The following FBXO38 variants were observed in gnomAD, a reference collection of about 807,000 sequenced individuals.
FBXO38 encodes the protein F-box protein 38.
In FBXO38, 53 loss-of-function variants were observed where a neutral mutation model predicts 131.9. The observed-to-expected ratio is 0.40, with a 90% confidence interval of 0.32 to 0.51. The LOEUF (loss-of-function observed/expected upper bound fraction) is 0.51. FBXO38 is among the 20% of genes least tolerant of loss of function. FBXO38 has a pLI of 0.53. For synonymous variants in FBXO38, 452 were observed against 505.6 expected, an observed-to-expected ratio of 0.89 and a Z score of 1.42; for missense variants, 1,076 against 1,475.6, an observed-to-expected ratio of 0.73 and a Z score of 4.44.
chr5:148,407,742 G>A (rs972817952), intron 7 of FBXO38, among the ~76,000 whole-genome samples: 1 of 152,018 alleles, frequency 6.6e-6, no homozygotes, highest in Admixed American at 6.6e-5. Flanking sequence ...GGCTAACGTG[G>A]TGAAACCCCG....
At chr5:148,404,644 G>A in intron 5 of FBXO38, 41 bp from the exon 6 acceptor site, 1 of 1,501,186 alleles carries the variant, frequency 6.7e-7, no homozygotes, top group Non-Finnish European at 8.9e-7. Flanking sequence ...ATATTTTTGT[G>A]ATTTTTTTCT....
At chr5:148,416,105 G>A in intron 11 of FBXO38, 35 bp downstream of exon 11, 2 of 1,469,812 alleles carry the variant, frequency 1.4e-6, no homozygotes, top group Non-Finnish European at 9.0e-7. Context: ...TGTTTATTTT[G>A]ATAGGAAAGA....
At chr5:148,440,276 G>A (rs1004901586) in intron 19 of FBXO38, 148 bp from the exon 20 acceptor site, 2 of 599,784 alleles carry the variant, frequency 3.3e-6, no homozygotes, top group Non-Finnish European at 3.0e-6. Context: ...TCTAGTTTGA[G>A]TGTATCCTAC....
chr5:148,405,877 T>C (rs1416813301), intron 6 of FBXO38, among the ~76,000 whole-genome samples: 1 of 152,212 alleles, frequency 6.6e-6, no homozygotes, highest in Non-Finnish European at 1.5e-5. Context: ...CAGGACCATA[T>C]CTTTTGTGAT....
Position 148,402,143 on chromosome 5 carries a change from G to A in FBXO38, c.424G>A (p.Val142Met). Residue 142 changes from valine to methionine, a missense_variant and splice_region_variant, in exon 4 of 22, where the codon GTG becomes ATG. Transcript: ENST00000340253. ...AGCTTTGCAGGCATGCCCAAACTTA[G>A]TGGTGAGTGCACCTGGTTGAACATT... ...LEALQACPNLVGVETSHLELV... is the reference protein window; with the variant it reads ...LEALQACPNLMGVETSHLELV... 6.2e-7 allele frequency: 1 copy of A among 1,608,716 alleles called. No homozygotes were observed. The highest frequency in any genetic ancestry group is 1.1e-5 in the South Asian group (1 of 90,842).
intron 8 of FBXO38, among the ~76,000 whole-genome samples, chr5:148,409,978 A>G (rs1415456442): frequency 3.3e-5 from 5 of 152,248 alleles, no homozygotes; most frequent in Non-Finnish European, 7.3e-5. Flanking sequence ...GGTTTAGTAA[A>G]GCACTTGAAA....
At chr5:148,416,879 ATAAG>A (rs1753084480) in intron 11 of FBXO38, 111 bp from the exon 12 acceptor site, 2 of 663,458 alleles carry the variant, frequency 3.0e-6, no homozygotes, top group East Asian at 2.7e-5. Flanking sequence ...CATTTCATAA[ATAAG>A]TACTATATAA....
chr5:148,438,355 C>T lies in FBXO38; in HGVS notation c.2881C>T (p.His961Tyr). ...AGCTACCAGGTGCAGGGTACTAAAA[C>T]ATTTAAAGGTAGAAAATGCACCAAT... ...IHATRCRVLK[H>Y]LKVENAPIVN... The change falls in exon 18 of 22, where the codon CAT (histidine) becomes TAT (tyrosine). Residue 961 changes from histidine to tyrosine, a missense_variant. Physicochemically the swap from His to Tyr is moderately conservative, Grantham distance 83. Coordinates refer to ENST00000340253, the MANE Select transcript of FBXO38 (RefSeq NM_205836.3). 1 of 1,613,850 alleles carries T rather than the reference C, an allele frequency of 6.2e-7. No homozygotes were observed. The highest frequency in any genetic ancestry group is 8.5e-7 in the Non-Finnish European group (1 of 1,179,836).
In FBXO38 at chr5:148,438,399, T is replaced by C. The variant is rs1346064709; in HGVS notation, c.2925T>C (p.Tyr975=). 4.3e-6 allele frequency: 7 copies of C among 1,613,940 alleles called. No individual in the cohort carries two copies. Among genetic ancestry groups the C allele is most frequent in the African/African-American group, 1.3e-5 (1 of 74,922 alleles). ...ENAPIVNRFD[Y]AQCKKLNMDQ... is the part of the protein sequence containing the mutation. ...CACCAATTGTAAACCGATTTGACTATGCACAGTGCAAGAAACTGAACATGG... is the reference window on the plus strand; with the variant it reads ...CACCAATTGTAAACCGATTTGACTACGCACAGTGCAAGAAACTGAACATGG... The change falls in exon 18 of 22, where the codon TAT becomes TAC. Residue 975 remains tyrosine, a synonymous_variant. Coordinates refer to ENST00000340253, the MANE Select transcript of FBXO38 (RefSeq NM_205836.3).
At chr5:148,410,523 G>C (rs1561526180) in intron 8 of FBXO38, 112 bp from the exon 9 acceptor site, 3 of 1,271,536 alleles carry the variant, frequency 2.4e-6, no homozygotes, top group Non-Finnish European at 3.3e-6. Context: ...CCCAGTCTCA[G>C]GTACGTCTTT....
At chr5:148,405,099 A>T (rs1044792937) in intron 6 of FBXO38, among the ~76,000 whole-genome samples, 9 of 151,048 alleles carry the variant, frequency 6.0e-5, no homozygotes, top group African/African-American at 2.2e-4. Flanking sequence ...ATTAAATTTC[A>T]GTCTTCTTAC....
chr5:148,436,275 C>CCA (rs1452253672), intron 17 of FBXO38, among the ~76,000 whole-genome samples: 1 of 151,902 alleles, frequency 6.6e-6, no homozygotes, highest in Non-Finnish European at 1.5e-5. Context: ...ATGCACACAC[C>CCA]CACACACACA....
At position 148,442,370 on chromosome 5, in the gene FBXO38, A is replaced by G. The variant is rs988806395; in HGVS notation, c.*223A>G. 4.8e-5 allele frequency: 16 copies of G among 335,096 alleles called. No individual in the cohort carries two copies. The highest frequency in any genetic ancestry group is 3.0e-4 in the African/African-American group (14 of 47,338). 20.8% of individuals were successfully genotyped at this position (335,096 alleles called of 1,614,324 possible). On this transcript the variant is annotated 3_prime_UTR_variant, in exon 22 of 22. Coordinates refer to ENST00000340253, the MANE Select transcript of FBXO38 (RefSeq NM_205836.3). ...CAACTTTATATCATATGTTTATACAATTTAATTTAAAAATTCATTTTAAGG... is the reference window on the plus strand; with the variant it reads ...CAACTTTATATCATATGTTTATACAGTTTAATTTAAAAATTCATTTTAAGG...
chr5:148,421,168 G>C (rs1581268659), intron 12 of FBXO38, among the ~76,000 whole-genome samples: 1 of 152,016 alleles, frequency 6.6e-6, no homozygotes, highest in African/African-American at 2.4e-5. Flanking sequence ...GGGTTTCACT[G>C]TGTTAGCCAG....
At chr5:148,434,248 C>T (rs1754212822) in intron 17 of FBXO38, 1 of 152,144 alleles carries the variant, frequency 6.6e-6, no homozygotes, top group African/African-American at 2.4e-5. Flanking sequence ...ACCATCTACA[C>T]TCGTGTATTA....
intron 12 of FBXO38, among the ~76,000 whole-genome samples, chr5:148,420,369 C>G (rs945590887): frequency 6.6e-6 from 1 of 152,098 alleles, no homozygotes; most frequent in African/African-American, 2.4e-5. Flanking sequence ...TTAAGTGATC[C>G]TCATGCCTCA....
At chr5:148,404,857 A>G (rs1239047409) in intron 6 of FBXO38, 35 bp downstream of exon 6, 9 of 1,554,506 alleles carry the variant, frequency 5.8e-6, no homozygotes, top group Non-Finnish European at 6.9e-6. Context: ...ATTAAACATA[A>G]GTTATTCTAA....
chr5:148,395,247 AG>A (rs1758419554), intron 2 of FBXO38, among the ~76,000 whole-genome samples: 1 of 152,170 alleles, frequency 6.6e-6, no homozygotes, highest in Non-Finnish European at 1.5e-5. Flanking sequence ...GCATTATAAC[AG>A]TACTGTGTGT....
intron 1 of FBXO38, among the ~76,000 whole-genome samples, chr5:148,385,764 T>A (rs1481752369): frequency 1.3e-5 from 2 of 152,156 alleles, no homozygotes; most frequent in Non-Finnish European, 2.9e-5. Context: ...TGAGGTCAAA[T>A]TAAGTGATAT....
Sources: gnomAD v4.1 joint callset for allele counts (sites outside exome capture counted in the v4.1 genomes callset) on GRCh38, gnomAD v4.1.1 for gene constraint, MANE v1.5 for transcripts, NCBI Gene and HGNC (gene_info 2026-07-23, HGNC 2026-07-21) for gene names.